ZNF644: variants seen among roughly 807,000 people sequenced by gnomAD.
The protein encoded by ZNF644 is zinc finger protein 644.
Under a neutral mutation model 108.0 loss-of-function variants are expected in ZNF644, and 20 were observed. The observed-to-expected ratio is 0.19, with a 90% CI of 0.13 to 0.27. ZNF644 has a LOEUF of 0.27. Ranked by LOEUF, ZNF644 falls within the 10% of genes least tolerant of loss-of-function variation. The pLI is 1.00. For missense variants in ZNF644, 1,338 were observed against 1,548.9 expected, an observed-to-expected ratio of 0.86 and a Z score of 2.29; for synonymous variants, 542 against 539.1, an observed-to-expected ratio of 1.01 and a Z score of -0.08.
At chr1:90,973,733 T>G (rs574722850) in intron 2 of ZNF644, among the ~76,000 whole-genome samples, 2 of 152,300 alleles carry the variant, frequency 1.3e-5, no homozygotes, top group East Asian at 3.9e-4. Flanking sequence ...CCGTCATCTA[T>G]AGAGGGCACT....
At chr1:90,928,303 C>T (rs1650293613) in intron 4 of ZNF644, among the ~76,000 whole-genome samples, 1 of 149,714 alleles carries the variant, frequency 6.7e-6, no homozygotes, top group East Asian at 2.0e-4. Context: ...CAGGCGCGCA[C>T]CACCACACTG....
chr1:90,969,928 C>T (rs967495119), intron 2 of ZNF644, among the ~76,000 whole-genome samples: 1 of 152,082 alleles, frequency 6.6e-6, no homozygotes, highest in Non-Finnish European at 1.5e-5. Context: ...CTCAACTTGG[C>T]AGAACAAATG....
Position 90,938,213 on chromosome 1 carries a change from A to C in ZNF644, c.3082+59T>G. The C allele has an allele frequency of 4.3e-6, 7 of 1,612,440 alleles. No homozygotes were observed. Among genetic ancestry groups the C allele is most frequent in the Non-Finnish European group, 5.9e-6 (7 of 1,178,984 alleles). ...AAGACTAAATTCAAAAAAAACTTTTAAATCTTCAGAATTAGAACACAGACC... is the reference window on the plus strand; with the variant it reads ...AAGACTAAATTCAAAAAAAACTTTTCAATCTTCAGAATTAGAACACAGACC... On this transcript the variant is annotated intron_variant, in intron 3 of 5. Coordinates refer to ENST00000337393, the MANE Select transcript of ZNF644 (RefSeq NM_201269.3). This position sits in a 1 kb window ranked among gnomAD's most constrained non-coding sequence, Gnocchi z 4.2.
intron 1 of ZNF644, among the ~76,000 whole-genome samples, chr1:90,990,981 T>C (rs987611015): frequency 6.6e-6 from 1 of 152,200 alleles, no homozygotes; most frequent in Non-Finnish European, 1.5e-5. Context: ...ATCCTGTTTG[T>C]GGCCTCCTGA....
At chr1:90,949,550 CTG>C (rs1044866368) in intron 2 of ZNF644, among the ~76,000 whole-genome samples, 1 of 152,004 alleles carries the variant, frequency 6.6e-6, no homozygotes, top group African/African-American at 2.4e-5. Flanking sequence ...TTGGCTCTCT[CTG>C]TGGGTTTTGC....
rs1204417870 is a variant in ZNF644, at chr1:90,938,709, A to G, written c.2645T>C (p.Ile882Thr). The G allele has an allele frequency of 1.9e-6, 3 of 1,613,470 alleles. No homozygotes were observed. Among genetic ancestry groups the G allele is most frequent in the South Asian group, 1.1e-5 (1 of 90,772 alleles). The change falls in exon 3 of 6, where the codon ATT becomes ACT. Residue 882 changes from isoleucine to threonine, a missense_variant. This residue lies in a region of ZNF644 where 462 missense variants were observed against 472.6 expected (regional missense o/e 0.98). Transcript: ENST00000337393. This position sits in a 1 kb window ranked among gnomAD's most constrained non-coding sequence, Gnocchi z 4.2. ...GAATAAATTTACATGCTCTTGATTAATATCACTATAGGTTTCATCTTCTAT... is the reference window on the plus strand; with the variant it reads ...GAATAAATTTACATGCTCTTGATTAGTATCACTATAGGTTTCATCTTCTAT... ...QAIEDETYSD[I>T]NQEHVNLFPL...
chr1:90,921,204 C>A (rs1018037639), intron 4 of ZNF644, among the ~76,000 whole-genome samples: 1 of 152,024 alleles, frequency 6.6e-6, no homozygotes, highest in Non-Finnish European at 1.5e-5. Context: ...TAGTTTTGTT[C>A]TGGACTGTAC....
Position 90,991,968 on chromosome 1 carries a change from T to A in ZNF644, c.-17-9598A>T, listed in dbSNP as rs562842486. Among the ~76,000 whole-genome samples, 21 of 152,084 alleles carry A rather than the reference T, an allele frequency of 1.4e-4. No homozygotes were observed. In the South Asian group the frequency reaches 3.9e-3, roughly 29 times the overall value. On this transcript the variant is annotated intron_variant, in intron 1 of 5. Coordinates refer to ENST00000337393, the MANE Select transcript of ZNF644 (RefSeq NM_201269.3). ...CACATTAAACACCTGCAACAGAATA[T>A]GTAGGACTGAACTAATGATATATGC... is the stretch of plus-strand genomic sequence containing the variant.
At chr1:90,950,078 G>A (rs1652926225) in intron 2 of ZNF644, among the ~76,000 whole-genome samples, 1 of 151,406 alleles carries the variant, frequency 6.6e-6, no homozygotes, top group African/African-American at 2.4e-5. Flanking sequence ...AGGAGTTCAC[G>A]ACCAGCCTGG....
intron 4 of ZNF644, among the ~76,000 whole-genome samples, chr1:90,922,514 G>T (rs71668046): frequency 6.6e-6 from 1 of 152,124 alleles, no homozygotes; most frequent in South Asian, 2.1e-4. Flanking sequence ...GGTCGTGCTG[G>T]CAGTGGTGAG....
chr1:91,007,499 C>A (rs1471605111), intron 1 of ZNF644, among the ~76,000 whole-genome samples: 1 of 151,950 alleles, frequency 6.6e-6, no homozygotes. Flanking sequence ...CAGGCGTGAG[C>A]CACTGCGCCC....
At chr1:90,928,495 T>A (rs1650340327) in intron 4 of ZNF644, among the ~76,000 whole-genome samples, 1 of 150,840 alleles carries the variant, frequency 6.6e-6, no homozygotes, top group African/African-American at 2.4e-5. Flanking sequence ...TTCTTTGTAT[T>A]TTTTTTTAGT....
chr1:90,997,766 A>G (rs1376018212), intron 1 of ZNF644, among the ~76,000 whole-genome samples: 1 of 152,210 alleles, frequency 6.6e-6, no homozygotes, highest in African/African-American at 2.4e-5. Flanking sequence ...CGGGAAGTGC[A>G]AGGGGTCAGG....
chr1:90,999,946 A>G (rs1186701072), intron 1 of ZNF644, among the ~76,000 whole-genome samples: 3 of 152,260 alleles, frequency 2.0e-5, no homozygotes, highest in East Asian at 1.9e-4. Context: ...AAAGAAGGCC[A>G]TTACATAATG....
intron 1 of ZNF644, among the ~76,000 whole-genome samples, chr1:90,989,111 CA>C (rs1239194003): frequency 6.6e-6 from 1 of 152,024 alleles, no homozygotes; most frequent in Admixed American, 6.6e-5. Context: ...AAAATATTTG[CA>C]AATCATGTAT....
At chr1:90,954,032 A>C (rs1319487887) in intron 2 of ZNF644, among the ~76,000 whole-genome samples, 3 of 152,168 alleles carry the variant, frequency 2.0e-5, no homozygotes, top group Non-Finnish European at 2.9e-5. Flanking sequence ...TTTTTGCCTT[A>C]ATATTGACAA....
At chr1:90,934,339 C>T (rs893317814) in intron 4 of ZNF644, among the ~76,000 whole-genome samples, 3 of 151,942 alleles carry the variant, frequency 2.0e-5, no homozygotes, top group Non-Finnish European at 4.4e-5. Context: ...AGTTCTAGGA[C>T]ATGAGGAAGA....
Position 90,938,853 on chromosome 1 carries a change from T to C in ZNF644, c.2501A>G (p.His834Arg), listed in dbSNP as rs1191267399. 4.3e-6 allele frequency: 7 copies of C among 1,613,826 alleles called. No homozygotes were observed. In the South Asian group the frequency reaches 5.5e-5, roughly 13 times the overall value. ...EDLDSYPDFL[H>R]KMTVVVLQKL... The stretch of plus-strand genomic sequence containing the variant: ...TTGCAAAACGACAACAGTCATTTTA[T>C]GCAAAAAATCTGGATAGCTATCCAA... The change falls in exon 3 of 6, where the codon CAT becomes CGT. Residue 834 changes from histidine (H) to arginine (R), a missense_variant. Physicochemically the swap from His to Arg is conservative, Grantham distance 29 (BLOSUM62 0). Coordinates refer to ENST00000337393, the MANE Select transcript of ZNF644 (RefSeq NM_201269.3). The surrounding 1 kb of genome is among the most constrained non-coding windows in gnomAD (Gnocchi z 4.2).
chr1:90,923,913 GA>G (rs1649740377), intron 4 of ZNF644, among the ~76,000 whole-genome samples: 2 of 152,262 alleles, frequency 1.3e-5, no homozygotes, highest in East Asian at 3.9e-4. Context: ...ATAGTTCAGA[GA>G]AAGAGTTAAA....
Sources: gnomAD v4.1 joint callset for allele counts (sites outside exome capture counted in the v4.1 genomes callset) on GRCh38, gnomAD v4.1.1 for gene constraint, gnomAD v4.1.1 regional missense constraint, Gnocchi (gnomAD v3.1) non-coding constraint, MANE v1.5 for transcripts, NCBI Gene and HGNC (gene_info 2026-07-23, HGNC 2026-07-21) for gene names.